RANBP2: variants seen among roughly 807,000 people sequenced by gnomAD.
The protein encoded by RANBP2 is RAN binding protein 2, also known as E3 SUMO-protein ligase RanBP2.
In RANBP2, 57 loss-of-function variants were observed where a neutral mutation model predicts 303.6. The ratio of observed to expected loss-of-function variants is 0.19; its 90% confidence interval spans 0.15 to 0.23. The LOEUF (loss-of-function observed/expected upper bound fraction) is 0.23. Among genes scored for constraint, RANBP2 ranks in the 10% least tolerant of loss-of-function variants. The pLI is 1.00. For missense variants in RANBP2, 3,138 were observed against 3,780.8 expected, an observed-to-expected ratio of 0.83 and a Z score of 4.46; for synonymous variants, 1,167 against 1,301.5, an observed-to-expected ratio of 0.90 and a Z score of 2.23.
At chr2:109,721,498 G>T in the RANBP2 span, among the ~76,000 whole-genome samples, 1 of 152,266 alleles carries the variant, frequency 6.6e-6, no homozygotes, top group East Asian at 1.9e-4. Flanking sequence ...TGCTGTGCTG[G>T]AATTCGCTCA....
At chr2:109,142,046 G>GGC in the RANBP2 span, among the ~76,000 whole-genome samples, 1 of 151,466 alleles carries the variant, frequency 6.6e-6, no homozygotes, top group Non-Finnish European at 1.5e-5. Context: ...AGTCTCCTGG[G>GGC]GGGGGGGTCT....
the RANBP2 span, among the ~76,000 whole-genome samples, chr2:109,424,090 T>C: frequency 1.2e-4 from 18 of 152,270 alleles, no homozygotes; most frequent in African/African-American, 4.3e-4. Context: ...TTGTCTAGGC[T>C]GGGTTTCCTG....
the RANBP2 span, among the ~76,000 whole-genome samples, chr2:108,817,601 T>C: frequency 6.6e-6 from 1 of 152,136 alleles, no homozygotes. Context: ...ATCAGATATC[T>C]TCTGGAAGCT....
intron 4 of RANBP2, 28 bp downstream of exon 4, chr2:108,731,502 A>T (rs1695166877): frequency 6.2e-7 from 1 of 1,610,632 alleles, no homozygotes; most frequent in Non-Finnish European, 8.5e-7. Flanking sequence ...AAAGGGAGAA[A>T]ACTTAAGACA....
the RANBP2 span, among the ~76,000 whole-genome samples, chr2:109,523,200 C>T: frequency 6.6e-6 from 1 of 152,130 alleles, no homozygotes; most frequent in African/African-American, 2.4e-5. Context: ...GGTTGCTCCT[C>T]CTCCAGGACC....
the RANBP2 span, among the ~76,000 whole-genome samples, chr2:109,205,613 C>T: frequency 6.6e-6 from 1 of 152,162 alleles, no homozygotes; most frequent in Non-Finnish European, 1.5e-5. Flanking sequence ...GTATATTCAT[C>T]AGATGGGAGA....
At chr2:108,756,335 G>A (rs1335492654) in intron 17 of RANBP2, among the ~76,000 whole-genome samples, 3 of 152,242 alleles carry the variant, frequency 2.0e-5, no homozygotes, top group African/African-American at 4.8e-5. Flanking sequence ...AAATAGTTAT[G>A]TATATATATC....
the RANBP2 span, among the ~76,000 whole-genome samples, chr2:108,977,492 G>A: frequency 2.6e-5 from 4 of 152,072 alleles, no homozygotes; most frequent in African/African-American, 9.7e-5. Flanking sequence ...GGATGGTCTC[G>A]ATCTCCTGAC....
the RANBP2 span, among the ~76,000 whole-genome samples, chr2:109,151,676 T>C: frequency 9.2e-5 from 14 of 152,348 alleles, no homozygotes; most frequent in East Asian, 2.5e-3. Flanking sequence ...CTTCCCGGTT[T>C]CCAGGGCCCA....
At chr2:108,815,795 T>G in the RANBP2 span, 1 of 668,420 alleles carries the variant, frequency 1.5e-6, no homozygotes, top group African/African-American at 1.9e-5. Flanking sequence ...GGAATTCTTT[T>G]GTTTGTTTGG....
chr2:108,759,365 C>T (rs1422478662), intron 18 of RANBP2, among the ~76,000 whole-genome samples: 1 of 152,136 alleles, frequency 6.6e-6, no homozygotes, highest in Non-Finnish European at 1.5e-5. Context: ...AGCTGAGATT[C>T]ACACTCCGGT....
At chr2:108,812,585 C>T in the RANBP2 span, 5 of 1,394,250 alleles carry the variant, frequency 3.6e-6, no homozygotes, top group African/African-American at 1.4e-5. Context: ...AGTATGAAAC[C>T]AGTTGAAGGT....
At chr2:109,273,713 C>G in the RANBP2 span, among the ~76,000 whole-genome samples, 1 of 152,192 alleles carries the variant, frequency 6.6e-6, no homozygotes, top group Non-Finnish European at 1.5e-5. Flanking sequence ...AGATCTATCA[C>G]GTTGCAGGGT....
At chr2:109,485,069 G>A in the RANBP2 span, among the ~76,000 whole-genome samples, 1 of 152,250 alleles carries the variant, frequency 6.6e-6, no homozygotes, top group East Asian at 1.9e-4. Flanking sequence ...GGGTTCTGCA[G>A]ATTGAGGTTC....
chr2:108,758,456 C>G lies in RANBP2; in HGVS notation c.2510C>G (p.Ser837Cys), dbSNP rs1380970354. ...ELKLNSSNSA[S>C]PHRWPTENYG... ...AAACTAAATAGCAGTAACTCAGCAT[C>G]CCCTCATCGTTGGCCCACAGAGAAT... The change falls in exon 18 of 29, where the codon TCC becomes TGC. Residue 837 changes from serine to cysteine, a missense_variant. Physicochemically the swap from Ser to Cys is moderately radical, Grantham distance 112. Transcript: ENST00000283195. The G allele has an allele frequency of 2.5e-6, 4 of 1,611,700 alleles. No homozygotes were observed. Among genetic ancestry groups the G allele is most frequent in the Admixed American group, 3.3e-5 (2 of 59,986 alleles).
At chr2:109,495,477 C>CTTTTTTTTTTTTTTTTTT in the RANBP2 span, among the ~76,000 whole-genome samples, 3 of 94,284 alleles carry the variant, frequency 3.2e-5, no homozygotes, top group African/African-American at 9.1e-5. Context: ...TCTTTCATTC[C>CTTTTTTTTTTTTTTTTTT]TTTTTTTTTT....
the RANBP2 span, among the ~76,000 whole-genome samples, chr2:108,823,303 A>G: frequency 6.6e-6 from 1 of 152,228 alleles, no homozygotes; most frequent in Non-Finnish European, 1.5e-5. Context: ...GGCCTACATT[A>G]CCCTGATACC....
At chr2:109,619,045 GT>G in the RANBP2 span, 1 of 166,712 alleles carries the variant, frequency 6.0e-6, no homozygotes, top group South Asian at 2.1e-4. Flanking sequence ...TACATATACT[GT>G]GTTTTACAGT....
At chr2:108,835,028 A>G in the RANBP2 span, among the ~76,000 whole-genome samples, 1 of 152,238 alleles carries the variant, frequency 6.6e-6, no homozygotes, top group Non-Finnish European at 1.5e-5. Flanking sequence ...TTGCACTTGC[A>G]TTGAGATTCA....
Sources: allele counts gnomAD v4.1 joint callset (sites outside exome capture counted in the v4.1 genomes callset), GRCh38; gene constraint gnomAD v4.1.1; transcripts MANE v1.5; gene names NCBI Gene and HGNC (gene_info 2026-07-23, HGNC 2026-07-21).